CACNA1E: variants seen among roughly 807,000 people sequenced by gnomAD.
The protein encoded by CACNA1E is calcium voltage-gated channel subunit alpha1 E.
A neutral mutation model predicts 259.2 loss-of-function variants in CACNA1E; 40 were observed. The ratio of observed to expected loss-of-function variants is 0.15; its 90% CI spans 0.12 to 0.20. CACNA1E has a LOEUF of 0.20. CACNA1E is among the 10% of genes least tolerant of loss of function. The probability of loss-of-function intolerance (pLI) is 1.00; values close to 1 mark genes in which losing one functional copy is unlikely to be tolerated. For missense variants in CACNA1E, 1,874 were observed against 3,040.1 expected, an observed-to-expected ratio of 0.62 and a Z score of 9.02; for synonymous variants, 1,104 against 1,138.5, an observed-to-expected ratio of 0.97 and a Z score of 0.61.
chr1:181,773,711 C>T (rs1659723944), intron 37 of CACNA1E, among the ~76,000 whole-genome samples: 2 of 152,148 alleles, frequency 1.3e-5, no homozygotes, highest in Non-Finnish European at 2.9e-5. Context: ...GGAATCGGTG[C>T]TCACTGCTAG....
At chr1:181,524,697 A>G (rs1465471126) in intron 3 of CACNA1E, among the ~76,000 whole-genome samples, 1 of 152,218 alleles carries the variant, frequency 6.6e-6, no homozygotes, top group Non-Finnish European at 1.5e-5. Context: ...GAGTAAGAAT[A>G]AGGCATACTC....
At chr1:181,709,712 C>T (rs530771004) in intron 7 of CACNA1E, among the ~76,000 whole-genome samples, 3 of 152,234 alleles carry the variant, frequency 2.0e-5, no homozygotes, top group East Asian at 3.9e-4. Context: ...ACTGTAACCT[C>T]GAATTCCTGG....
At chr1:181,402,253 T>A (rs1049551269) in intron 1 of CACNA1E, among the ~76,000 whole-genome samples, 16 of 152,264 alleles carry the variant, frequency 1.1e-4, no homozygotes, top group Admixed American at 5.9e-4. Context: ...TTTTGTAGAA[T>A]ATTATGGTGA....
At chr1:181,764,325 G>T (rs542888558) in intron 34 of CACNA1E, among the ~76,000 whole-genome samples, 79 of 152,220 alleles carry the variant, frequency 5.2e-4, no homozygotes, top group Admixed American at 2.2e-3. Context: ...ACCAAAATGA[G>T]TTTTTCAGTG....
In CACNA1E at chr1:181,720,421, C is replaced by T. The variant is rs145289624; in HGVS notation, c.1883+84C>T. On this transcript the variant is annotated intron_variant, in intron 14 of 47. Transcript: ENST00000367573. Reference sequence around the variant, plus strand: ...TGGGCTAGGGTCATTAACTCAATCACCATGTTACTATCCTGTCTGCCTTTG... The same window carrying T: ...TGGGCTAGGGTCATTAACTCAATCATCATGTTACTATCCTGTCTGCCTTTG... 4.2e-6 allele frequency: 6 copies of T among 1,429,098 alleles called. No homozygotes were observed. The African/African-American group carries it at 4.2e-5, about 10-fold the overall frequency. The allele number at this position is 1,429,098 out of a possible 1,614,324, so 88.5% of individuals were successfully genotyped here. A position where few individuals can be genotyped will look rare whatever the true frequency, so the allele number is the denominator to read the frequency against.
chr1:181,530,423 T>G (rs546152615), intron 3 of CACNA1E, among the ~76,000 whole-genome samples: 6 of 152,308 alleles, frequency 3.9e-5, no homozygotes, highest in African/African-American at 1.2e-4. Flanking sequence ...TATAGCAGAT[T>G]TTTAATACTT....
intron 46 of CACNA1E, among the ~76,000 whole-genome samples, chr1:181,796,008 C>A (rs1051976227): frequency 1.6e-4 from 25 of 151,918 alleles, no homozygotes; most frequent in Admixed American, 3.3e-4. Flanking sequence ...ACCTTCCCCC[C>A]AAAAAGTTAT....
chr1:181,614,194 ATTTTC>A (rs112368754), intron 6 of CACNA1E, among the ~76,000 whole-genome samples: 23 of 151,962 alleles, frequency 1.5e-4, no homozygotes, highest in Non-Finnish European at 2.2e-4. Context: ...CTACTTCGCA[ATTTTC>A]TTTTCTTTTC....
chr1:181,400,441 C>T (rs1015742879), intron 1 of CACNA1E, among the ~76,000 whole-genome samples: 4 of 152,056 alleles, frequency 2.6e-5, no homozygotes, highest in African/African-American at 7.2e-5. Context: ...GCAGACTGGC[C>T]GTGGCTGCAG....
chr1:181,735,747 G>A (rs1208957416), intron 21 of CACNA1E, among the ~76,000 whole-genome samples: 1 of 152,234 alleles, frequency 6.6e-6, no homozygotes, highest in Admixed American at 6.5e-5. Flanking sequence ...CCATTGCAGG[G>A]TGATTCAATG....
intron 7 of CACNA1E, among the ~76,000 whole-genome samples, chr1:181,687,959 A>C (rs1650752560): frequency 6.6e-6 from 1 of 152,112 alleles, no homozygotes; most frequent in Admixed American, 6.5e-5. Flanking sequence ...CCTCATAACC[A>C]TGAAGCATTG....
At chr1:181,496,096 C>T (rs1664729280) in intron 1 of CACNA1E, among the ~76,000 whole-genome samples, 1 of 152,128 alleles carries the variant, frequency 6.6e-6, no homozygotes, top group Non-Finnish European at 1.5e-5. Context: ...GACTTTTTTT[C>T]TTCCTTCTCA....
At position 181,603,916 on chromosome 1, in the gene CACNA1E, G is replaced by A. The variant is rs117432657; in HGVS notation, c.951+23140G>A. On this transcript the variant is annotated intron_variant, in intron 6 of 47. Coordinates refer to ENST00000367573, the MANE Select transcript of CACNA1E (RefSeq NM_001205293.3). ...GGGAGGCGGCTGTGCAGCTGCCGCCGAGCTGCTCACTTGGTAGGAGAAGTG... is the reference window on the plus strand; with the variant it reads ...GGGAGGCGGCTGTGCAGCTGCCGCCAAGCTGCTCACTTGGTAGGAGAAGTG... Among the ~76,000 whole-genome samples, 80 of 152,288 alleles carry A rather than the reference G, an allele frequency of 5.3e-4. No individual in the cohort carries two copies. In the East Asian group the frequency reaches 0.013, roughly 24 times the overall value.
chr1:181,762,151 T>C (rs1658634185), intron 32 of CACNA1E, among the ~76,000 whole-genome samples: 1 of 152,238 alleles, frequency 6.6e-6, no homozygotes, highest in African/African-American at 2.4e-5. Flanking sequence ...TGTATGACCA[T>C]GGCAATGGTT....
chr1:181,796,771 G>A lies in CACNA1E; in HGVS notation c.6312G>A (p.Glu2104=). 6.2e-7 allele frequency: 1 copy of A among 1,613,066 alleles called. No individual in the cohort carries two copies. The highest frequency in any genetic ancestry group is 1.7e-5 in the Admixed American group (1 of 59,902). ...ATGTCTCCCGCTGCAATTCAGAAGA[G>A]CGAGGGACCCAGGCTGACTGGGAGT... ...SPDVSRCNSE[E]RGTQADWESP... The change falls in exon 47 of 48, where the codon GAG becomes GAA. Residue 2104 remains glutamate (E), a synonymous_variant. Coordinates refer to ENST00000367573, the MANE Select transcript of CACNA1E (RefSeq NM_001205293.3).
chr1:181,789,580 T>C (rs1661120161), intron 43 of CACNA1E, among the ~76,000 whole-genome samples: 1 of 152,108 alleles, frequency 6.6e-6, no homozygotes, highest in Non-Finnish European at 1.5e-5. Flanking sequence ...CTCTGCATTC[T>C]TGAGCAGGTC....
Position 181,733,501 on chromosome 1 carries a change from C to T in CACNA1E, c.3013C>T (p.Pro1005Ser), listed in dbSNP as rs1213605923. The T allele has an allele frequency of 1.3e-6, 2 of 1,599,002 alleles. No homozygotes were observed. Among genetic ancestry groups the T allele is most frequent in the Middle Eastern group, 1.7e-4 (1 of 5,990 alleles). Reference sequence around the variant, plus strand: ...AGGAGGCCTTGATGAGGCTGACACCCCCCTAGTCCTGCCCCATCCTGAGCT... The same window carrying T: ...AGGAGGCCTTGATGAGGCTGACACCTCCCTAGTCCTGCCCCATCCTGAGCT... ...LAGGLDEADT[P>S]LVLPHPELEV... The change falls in exon 21 of 48, where the codon CCC becomes TCC. Residue 1005 changes from proline (P) to serine (S), a missense_variant. By Grantham distance (74) the Pro-to-Ser change is moderately conservative. Around this residue, in one of 14 missense-constraint regions of CACNA1E, gnomAD observed 476 missense variants for 514.0 expected, o/e 0.93. Coordinates refer to ENST00000367573, the MANE Select transcript of CACNA1E (RefSeq NM_001205293.3).
At chr1:181,596,078 G>A (rs1265479121) in intron 6 of CACNA1E, among the ~76,000 whole-genome samples, 5 of 152,162 alleles carry the variant, frequency 3.3e-5, no homozygotes, top group South Asian at 2.1e-4. Flanking sequence ...AGAAGTGGGC[G>A]GTGAGGAGGG....
intron 6 of CACNA1E, among the ~76,000 whole-genome samples, chr1:181,590,006 A>G (rs1311227367): frequency 6.6e-6 from 1 of 152,100 alleles, no homozygotes; most frequent in Non-Finnish European, 1.5e-5. Flanking sequence ...TCCCTTAACC[A>G]TCCTCTCCTT....
Sources: allele counts gnomAD v4.1 joint callset (sites outside exome capture counted in the v4.1 genomes callset), GRCh38; gene constraint gnomAD v4.1.1; regional missense constraint gnomAD v4.1.1; transcripts MANE v1.5; gene names NCBI Gene and HGNC (gene_info 2026-07-23, HGNC 2026-07-21).